DMC1: variants seen among roughly 807,000 people sequenced by gnomAD.
DMC1 encodes DNA meiotic recombinase 1, also known as meiotic recombination protein DMC1 homolog.
DMC1 carries 27 observed loss-of-function variants against 50.1 expected under a neutral mutation model. The observed-to-expected ratio is 0.54, with a 90% CI of 0.40 to 0.74. The LOEUF is 0.74. Ranked by LOEUF, DMC1 falls within the 30% of genes least tolerant of loss-of-function variation. The pLI is 0.00. For missense variants in DMC1, 295 were observed against 420.2 expected (o/e 0.70, Z 2.60); for synonymous variants, 148 against 136.1 (o/e 1.09, Z -0.61).
chr22:38,511,541 G>C, the DMC1 span, among the ~76,000 whole-genome samples: 2 of 152,090 alleles, frequency 1.3e-5, no homozygotes, highest in Admixed American at 1.3e-4. Context: ...AGTGAGCTAT[G>C]CTTGCCCCAC....
intron 11 of DMC1, among the ~76,000 whole-genome samples, 180 bp from the exon 12 acceptor site, chr22:38,537,832 A>G (rs2090232432): frequency 1.3e-5 from 2 of 152,188 alleles, no homozygotes; most frequent in African/African-American, 2.4e-5. Context: ...TAAGGTTAGA[A>G]TAAATATTTT....
chr22:38,548,055 C>A (rs1334727201), intron 8 of DMC1, among the ~76,000 whole-genome samples: 1 of 152,160 alleles, frequency 6.6e-6, no homozygotes, highest in South Asian at 2.1e-4. Flanking sequence ...CTTTTACAAC[C>A]AGATTTCCTT....
downstream of DMC1, among the ~76,000 whole-genome samples, chr22:38,517,814 C>A (rs779393712): frequency 6.6e-6 from 1 of 152,198 alleles, no homozygotes; most frequent in East Asian, 1.9e-4. Flanking sequence ...CTGTGGTTTT[C>A]AAAAGGTAAA....
the DMC1 span, among the ~76,000 whole-genome samples, chr22:38,511,675 C>G: frequency 6.0e-4 from 92 of 152,166 alleles, no homozygotes; most frequent in African/African-American, 2.1e-3. Flanking sequence ...GATCACAGCT[C>G]ACTGCCATCT....
At chr22:38,529,014 T>C (rs1464107376) in intron 12 of DMC1, among the ~76,000 whole-genome samples, 1 of 151,946 alleles carries the variant, frequency 6.6e-6, no homozygotes, top group Non-Finnish European at 1.5e-5. Flanking sequence ...TTTCTTTCTT[T>C]CTTTCTTTTT....
intron 12 of DMC1, among the ~76,000 whole-genome samples, chr22:38,536,202 T>G (rs1198406589): frequency 1.3e-5 from 2 of 151,088 alleles, no homozygotes; most frequent in Non-Finnish European, 3.0e-5. Context: ...GGTGACAGAG[T>G]GAAACCTTGT....
chr22:38,542,805 A>G (rs2090299834), intron 8 of DMC1, among the ~76,000 whole-genome samples: 1 of 152,222 alleles, frequency 6.6e-6, no homozygotes, highest in Admixed American at 6.6e-5. Context: ...TTCAAATTAT[A>G]CTATAGAGCT....
chr22:38,524,367 G>A (rs1328858949), intron 12 of DMC1, among the ~76,000 whole-genome samples: 3 of 152,000 alleles, frequency 2.0e-5, no homozygotes, highest in Non-Finnish European at 1.5e-5. Flanking sequence ...TGAGCTGATC[G>A]CGCCACCGGT....
rs1432236985 is a variant in DMC1 at position 38,570,179 on chromosome 22, T to G, written c.-170A>C. 1 of 151,974 alleles carries G rather than the reference T, an allele frequency of 6.6e-6. No homozygotes were observed. Among genetic ancestry groups the G allele is most frequent in the Non-Finnish European group, 1.5e-5 (1 of 68,232 alleles). The allele number at this position is 151,974 out of a possible 1,614,324, so 9.4% of individuals were successfully genotyped here. A position where few individuals can be genotyped will look rare whatever the true frequency, so the allele number is the denominator to read the frequency against. On this transcript the variant is annotated 5_prime_UTR_variant, in exon 1 of 14. Transcript: ENST00000216024. The stretch of plus-strand genomic sequence containing the variant: ...ACCCGCGCGCCGTTGACCACAGGGT[T>G]TGGCGCCAAACGAGGAGGGCGGGGC...
intron 5 of DMC1, among the ~76,000 whole-genome samples, chr22:38,559,140 C>T (rs1444021607): frequency 3.9e-5 from 6 of 152,206 alleles, no homozygotes; most frequent in Non-Finnish European, 5.9e-5. Context: ...AGCGATTCTC[C>T]TGCCTCAGCC....
At chr22:38,555,440 G>A (rs769201126) in intron 5 of DMC1, 31 bp from the exon 6 acceptor site, 1 of 1,388,824 alleles carries the variant, frequency 7.2e-7, no homozygotes, top group Non-Finnish European at 1.0e-6. Flanking sequence ...TTAGTAACAG[G>A]AATAGAAATA....
chr22:38,559,618 C>T (rs568368570), intron 5 of DMC1, among the ~76,000 whole-genome samples: 38 of 152,270 alleles, frequency 2.5e-4, no homozygotes, highest in African/African-American at 8.9e-4. Context: ...TTATTGCACA[C>T]CTAGTTTATG....
chr22:38,517,650 T>C (rs1014258358), downstream of DMC1, among the ~76,000 whole-genome samples: 2 of 152,138 alleles, frequency 1.3e-5, no homozygotes, highest in Admixed American at 1.3e-4. Flanking sequence ...ATTTAAAATA[T>C]ACACAATGAA....
intron 5 of DMC1, among the ~76,000 whole-genome samples, chr22:38,556,366 T>G (rs2090469124): frequency 6.6e-6 from 1 of 152,196 alleles, no homozygotes; most frequent in Non-Finnish European, 1.5e-5. Flanking sequence ...AGTGCTGGGA[T>G]TATAGACATG....
intron 1 of DMC1, 48 bp from the exon 2 acceptor site, chr22:38,568,337 GC>G: frequency 1.4e-6 from 2 of 1,398,742 alleles, no homozygotes; most frequent in Non-Finnish European, 2.0e-6. Context: ...TTGTCCAGGG[GC>G]CTCTGATTTC....
chr22:38,563,608 C>T (rs1480824212), intron 4 of DMC1, among the ~76,000 whole-genome samples: 1 of 152,132 alleles, frequency 6.6e-6, no homozygotes, highest in Non-Finnish European at 1.5e-5. Flanking sequence ...AATCCCAGCA[C>T]TTTGAGAGGC....
rs778302919 is a variant in DMC1, at chr22:38,538,315, C to T, written c.755G>A (p.Arg252Gln). The T allele has an allele frequency of 3.1e-6, 5 of 1,613,922 alleles. No individual in the cohort carries two copies. Among genetic ancestry groups the T allele is most frequent in the Admixed American group, 1.7e-5 (1 of 59,974 alleles). ...RQQKLAQMLSRLQKISEEYNV... is the reference protein window; with the variant it reads ...RQQKLAQMLSQLQKISEEYNV... ...TATACCTTCTGAGATTTTTTGGAGT[C>T]GTGACAACATCTGGGCCAATTTTTG... is the stretch of plus-strand genomic sequence containing the variant. The change falls in exon 11 of 14, where the codon CGA becomes CAA. Residue 252 changes from arginine (R) to glutamine (Q), a missense_variant. Transcript: ENST00000216024.
chr22:38,559,670 A>AAG (rs2090505193), intron 5 of DMC1, among the ~76,000 whole-genome samples: 1 of 152,016 alleles, frequency 6.6e-6, no homozygotes. Context: ...TAGAGAACAA[A>AAG]AGAGACAGAA....
intron 12 of DMC1, among the ~76,000 whole-genome samples, chr22:38,535,887 G>A (rs62228932): frequency 0.046 from 6,933 of 151,480 alleles, 279 homozygotes; most frequent in East Asian, 0.11. Flanking sequence ...AGATTACAGT[G>A]AGCCACTGCC....
Sources: allele counts gnomAD v4.1 joint callset (sites outside exome capture counted in the v4.1 genomes callset), GRCh38; gene constraint gnomAD v4.1.1; transcripts MANE v1.5; gene names NCBI Gene and HGNC (gene_info 2026-07-23, HGNC 2026-07-21).